Variants in LRP1B observed in about 807,000 individuals in gnomAD.
LRP1B encodes low-density lipoprotein receptor-related protein 1B.
Under a neutral mutation model 556.6 loss-of-function variants are expected in LRP1B, and 217 were observed. The observed-to-expected ratio is 0.39, with a 90% CI of 0.35 to 0.44. The LOEUF is 0.44. Ranked by LOEUF, LRP1B falls within the 20% of genes least tolerant of loss-of-function variation. The pLI is 1.00. For synonymous variants in LRP1B, 2,047 were observed against 1,865.8 expected (o/e 1.10, Z -2.50); for missense variants, 5,053 against 5,620.8 (o/e 0.90, Z 3.23).
intron 3 of LRP1B, among the ~76,000 whole-genome samples, chr2:141,357,433 C>A (rs1688668163): frequency 6.6e-6 from 1 of 152,092 alleles, no homozygotes; most frequent in African/African-American, 2.4e-5. Flanking sequence ...AAACTGTAAC[C>A]ACTATTTTGT....
At chr2:141,936,980 T>G (rs906491713) in intron 1 of LRP1B, among the ~76,000 whole-genome samples, 3 of 152,116 alleles carry the variant, frequency 2.0e-5, no homozygotes, top group African/African-American at 7.2e-5. Flanking sequence ...GGGTCTTTAT[T>G]CTGAACAATG....
chr2:140,516,663 C>CA (rs1336252899), intron 50 of LRP1B, among the ~76,000 whole-genome samples: 2 of 152,006 alleles, frequency 1.3e-5, no homozygotes, highest in Admixed American at 6.6e-5. Flanking sequence ...AATTATTCAA[C>CA]AAAAACAGAG....
chr2:141,788,194 C>G (rs953832636), intron 2 of LRP1B, among the ~76,000 whole-genome samples: 8 of 151,934 alleles, frequency 5.3e-5, no homozygotes, highest in South Asian at 4.1e-4. Flanking sequence ...CTTTTTGTTG[C>G]TTGCAACAAA....
chr2:140,803,183 A>G (rs1346365462), intron 32 of LRP1B, among the ~76,000 whole-genome samples: 1 of 151,028 alleles, frequency 6.6e-6, no homozygotes, highest in Non-Finnish European at 1.5e-5. Flanking sequence ...GCATTATCTT[A>G]CAACTCTCTT....
At chr2:140,525,747 G>T (rs1414371281) in intron 49 of LRP1B, 97 bp downstream of exon 49, 5 of 1,070,294 alleles carry the variant, frequency 4.7e-6, no homozygotes, top group Admixed American at 2.5e-5. Context: ...GTCAATAATT[G>T]ATATTAAGAA....
rs141262543 is a variant in LRP1B, at chr2:140,886,209, T to C, written c.3893A>G (p.Asn1298Ser). The change falls in exon 24 of 91, where the codon AAT becomes AGT. Residue 1298 changes from asparagine to serine, a missense_variant. Physicochemically the swap from Asn to Ser is conservative, Grantham distance 46. This residue lies in a region of LRP1B where 3,619 missense variants were observed against 3,931.9 expected (regional missense o/e 0.92). Transcript: ENST00000389484. The part of the protein sequence containing the change: ...RNTIALDFHF[N>S]QSLLYWTDVV... ...ATCTGTCCAATAAAGTAAACTTTGA[T>C]TGAAGTGAAAATCAAGTGCTATTGT... The C allele has an allele frequency of 2.5e-5, 40 of 1,611,688 alleles. No individual in the cohort carries two copies. The highest frequency in any genetic ancestry group is 9.9e-5 in the South Asian group (9 of 90,912).
intron 1 of LRP1B, among the ~76,000 whole-genome samples, chr2:142,014,151 G>A (rs1703042647): frequency 2.2e-5 from 3 of 138,670 alleles, no homozygotes; most frequent in African/African-American, 6.9e-5. Context: ...TCCGTCTGTG[G>A]AGTAGCTGTA....
chr2:140,663,008 C>A (rs1440537767), intron 41 of LRP1B, among the ~76,000 whole-genome samples: 2 of 152,004 alleles, frequency 1.3e-5, no homozygotes, highest in Non-Finnish European at 2.9e-5. Context: ...TAAGAAAGTG[C>A]ACTAACTTTA....
chr2:140,654,286 T>A, intron 41 of LRP1B, among the ~76,000 whole-genome samples: 1 of 152,142 alleles, frequency 6.6e-6, no homozygotes, highest in Non-Finnish European at 1.5e-5. Context: ...CTATTAAAAA[T>A]CTGAGGAGAC....
chr2:140,410,124 G>T (rs549886600), intron 66 of LRP1B, among the ~76,000 whole-genome samples: 1 of 151,884 alleles, frequency 6.6e-6, no homozygotes, highest in African/African-American at 2.4e-5. Context: ...GACAAGATTT[G>T]TTATTCCTGA....
intron 82 of LRP1B, among the ~76,000 whole-genome samples, chr2:140,319,989 CACTA>C (rs1362007172): frequency 6.6e-6 from 1 of 152,142 alleles, no homozygotes; most frequent in Admixed American, 6.6e-5. Flanking sequence ...CACTTCTACA[CACTA>C]ACTAAAATGA....
chr2:141,152,004 T>C (rs1167898597), intron 7 of LRP1B, among the ~76,000 whole-genome samples: 3 of 152,210 alleles, frequency 2.0e-5, no homozygotes, highest in African/African-American at 7.2e-5. Flanking sequence ...TTCATAATTA[T>C]GCACTGGAGA....
At chr2:141,359,378 A>G (rs1164873836) in intron 3 of LRP1B, among the ~76,000 whole-genome samples, 2 of 152,170 alleles carry the variant, frequency 1.3e-5, no homozygotes, top group Admixed American at 6.5e-5. Context: ...AAGTACATAC[A>G]GGAGAAGAGA....
In LRP1B at chr2:141,874,084, ATTTT is replaced by A. The variant is rs200281267; in HGVS notation, c.83-63687_83-63684del. On this transcript the variant is annotated intron_variant, in intron 1 of 90. Transcript: ENST00000389484. ...AGTAAAACAATACAATGAACTAACA[ATTTT>A]TTTTTTTTTTTTTTTTTTTTTTTTT... Among the ~76,000 whole-genome samples, 202 of 103,118 alleles carry A rather than the reference ATTTT, an allele frequency of 2.0e-3. 2 individuals carry two copies. Among genetic ancestry groups the A allele is most frequent in the African/African-American group, 7.4e-3 (169 of 22,690 alleles). 67.6% of individuals were successfully genotyped at this position (103,118 alleles called of 152,430 possible).
chr2:141,472,559 A>G (rs968586688), intron 3 of LRP1B, among the ~76,000 whole-genome samples: 1 of 152,140 alleles, frequency 6.6e-6, no homozygotes, highest in African/African-American at 2.4e-5. Flanking sequence ...TTAAAATCAA[A>G]TCAAATCAAA....
At chr2:141,617,548 T>G (rs1328834634) in intron 2 of LRP1B, among the ~76,000 whole-genome samples, 1 of 152,206 alleles carries the variant, frequency 6.6e-6, no homozygotes, top group Non-Finnish European at 1.5e-5. Flanking sequence ...CTATCAATGC[T>G]TTCCTTACTT....
At chr2:140,304,054 T>C (rs1436482539) in intron 83 of LRP1B, among the ~76,000 whole-genome samples, 3 of 152,210 alleles carry the variant, frequency 2.0e-5, no homozygotes, top group African/African-American at 7.2e-5. Context: ...TAATCCAGTC[T>C]ATCGTTGATG....
Position 141,284,807 on chromosome 2 carries a change from A to G in LRP1B, c.344-30166T>C, listed in dbSNP as rs76169827. ...TGTTTATTTCTAGTCTTGCTGTTTC[A>G]TTGATCTACATGTGAATCCTTGTGC... On this transcript the variant is annotated intron_variant, in intron 3 of 90. Coordinates refer to ENST00000389484, the MANE Select transcript of LRP1B (RefSeq NM_018557.3). Among the ~76,000 whole-genome samples, 248 of 152,312 alleles carry G rather than the reference A, an allele frequency of 1.6e-3. 1 individual carries two copies. The highest frequency in any genetic ancestry group is 5.5e-3 in the African/African-American group (227 of 41,576).
chr2:140,450,028 C>G (rs551953743), intron 63 of LRP1B, among the ~76,000 whole-genome samples: 1 of 152,254 alleles, frequency 6.6e-6, no homozygotes, highest in South Asian at 2.1e-4. Context: ...AATGTCAAGA[C>G]ATACTTGGTA....
Sources: gnomAD v4.1 joint callset for allele counts (sites outside exome capture counted in the v4.1 genomes callset) on GRCh38, gnomAD v4.1.1 for gene constraint, gnomAD v4.1.1 regional missense constraint, MANE v1.5 for transcripts, NCBI Gene and HGNC (gene_info 2026-07-23, HGNC 2026-07-21) for gene names.